B3GALT1: variants seen among roughly 807,000 people sequenced by gnomAD.
B3GALT1 encodes beta-1,3-galactosyltransferase 1.
In B3GALT1, 10 loss-of-function variants were observed where a neutral mutation model predicts 23.2. The observed-to-expected ratio is 0.43, with a 90% CI of 0.27 to 0.73. B3GALT1 has a LOEUF of 0.73. Among genes scored for constraint, B3GALT1 ranks in the 30% least tolerant of loss-of-function variants. The pLI is 0.21. For synonymous variants in B3GALT1, 156 were observed against 141.5 expected (o/e 1.10, Z -0.73); for missense variants, 299 against 405.4 (o/e 0.74, Z 2.25).
intron 3 of B3GALT1, among the ~76,000 whole-genome samples, chr2:167,767,207 C>T (rs1687994202): frequency 6.6e-6 from 1 of 152,154 alleles, no homozygotes; most frequent in South Asian, 2.1e-4. Flanking sequence ...GAGGTGTTGG[C>T]TATTGTTTCT....
intron 2 of B3GALT1, among the ~76,000 whole-genome samples, chr2:167,591,323 GAGA>G (rs2105415948): frequency 6.6e-6 from 1 of 152,170 alleles, no homozygotes; most frequent in Non-Finnish European, 1.5e-5. Flanking sequence ...AAGTGAGGCA[GAGA>G]AGAACAGTAG....
At chr2:167,714,486 G>C (rs186712311) in intron 3 of B3GALT1, 10 of 1,606,074 alleles carry the variant, frequency 6.2e-6, no homozygotes, top group African/African-American at 2.7e-5. Context: ...TCAGATGAAG[G>C]CTGACCCAAC....
intron 2 of B3GALT1, among the ~76,000 whole-genome samples, chr2:167,579,908 T>G (rs1193200425): frequency 6.6e-6 from 1 of 152,160 alleles, no homozygotes; most frequent in Non-Finnish European, 1.5e-5. Context: ...ATATTTTAAG[T>G]TCCTAGCCTT....
intron 3 of B3GALT1, among the ~76,000 whole-genome samples, chr2:167,798,213 A>G (rs1688576426): frequency 6.6e-6 from 1 of 152,202 alleles, no homozygotes; most frequent in Non-Finnish European, 1.5e-5. Flanking sequence ...ATAGATTACA[A>G]AAATTTTCCA....
chr2:167,740,350 A>G (rs1429224428), intron 3 of B3GALT1, among the ~76,000 whole-genome samples: 2 of 152,082 alleles, frequency 1.3e-5, no homozygotes, highest in Non-Finnish European at 2.9e-5. Context: ...TCTTTGGCCT[A>G]TTTCTCTCCA....
chr2:167,445,770 A>G (rs1208470309), intron 1 of B3GALT1, among the ~76,000 whole-genome samples: 2 of 151,922 alleles, frequency 1.3e-5, no homozygotes, highest in Admixed American at 6.6e-5. Flanking sequence ...TGCACGTGAG[A>G]TGGGTTTCCT....
intron 1 of B3GALT1, among the ~76,000 whole-genome samples, chr2:167,489,884 T>C (rs915569639): frequency 6.6e-6 from 1 of 152,126 alleles, no homozygotes; most frequent in African/African-American, 2.4e-5. Flanking sequence ...AGTAAGCAAA[T>C]AATTGTGGAA....
At chr2:167,429,341 A>G (rs1219683175) in intron 1 of B3GALT1, among the ~76,000 whole-genome samples, 3 of 152,034 alleles carry the variant, frequency 2.0e-5, no homozygotes, top group Non-Finnish European at 4.4e-5. Context: ...TGGGAGCAGA[A>G]GCTTTTGGAA....
intron 1 of B3GALT1, among the ~76,000 whole-genome samples, chr2:167,363,120 G>T (rs372251160): frequency 6.6e-6 from 1 of 151,852 alleles, no homozygotes; most frequent in African/African-American, 2.4e-5. Flanking sequence ...CTCCCAAAGT[G>T]CTGGGATTAC....
At chr2:167,380,273 G>C (rs1697829350) in intron 1 of B3GALT1, among the ~76,000 whole-genome samples, 1 of 152,152 alleles carries the variant, frequency 6.6e-6, no homozygotes, top group South Asian at 2.1e-4. Flanking sequence ...GTGGAGCAGA[G>C]AGGGCCTCAC....
chr2:167,742,836 G>A lies in B3GALT1; in HGVS notation c.-351-75836G>A, dbSNP rs75557677. ...ACTAAAATAATTCTAATACCATTGT[G>A]CCTTTCTTCTGGTTCTCCTCTAATC... is the stretch of plus-strand genomic sequence containing the variant. On this transcript the variant is annotated intron_variant, in intron 3 of 4. Coordinates refer to ENST00000392690, the MANE Select transcript of B3GALT1 (RefSeq NM_020981.4). Among the ~76,000 whole-genome samples the A allele has an allele frequency of 3.8e-3, 582 of 152,106 alleles. 6 individuals carry two copies. The highest frequency in any genetic ancestry group is 6.9e-3 in the Admixed American group (106 of 15,270).
At chr2:167,533,830 G>A (rs1470010908) in intron 2 of B3GALT1, among the ~76,000 whole-genome samples, 2 of 152,152 alleles carry the variant, frequency 1.3e-5, no homozygotes, top group African/African-American at 4.8e-5. Flanking sequence ...AGGTCTGGTA[G>A]TGAGTTATTT....
intron 4 of B3GALT1, among the ~76,000 whole-genome samples, chr2:167,826,632 G>C (rs575049127): frequency 2.6e-5 from 4 of 152,286 alleles, no homozygotes; most frequent in African/African-American, 4.8e-5. Context: ...GTCAAAGATG[G>C]GGTGAGAGTC....
chr2:167,622,793 A>G (rs1480707221), intron 2 of B3GALT1, among the ~76,000 whole-genome samples: 1 of 152,132 alleles, frequency 6.6e-6, no homozygotes, highest in Non-Finnish European at 1.5e-5. Context: ...AAGCAAAGGT[A>G]TCCTGATGAC....
At chr2:167,710,697 G>T (rs1187938040) in intron 3 of B3GALT1, among the ~76,000 whole-genome samples, 4 of 152,280 alleles carry the variant, frequency 2.6e-5, no homozygotes, top group African/African-American at 9.6e-5. Context: ...GCAGAGCTGG[G>T]AATATTTTTG....
chr2:167,624,349 A>C (rs1024597666), intron 2 of B3GALT1, among the ~76,000 whole-genome samples: 20 of 152,086 alleles, frequency 1.3e-4, no homozygotes, highest in Admixed American at 6.6e-4. Context: ...GCTTCCTTAC[A>C]GTTTTCCAAA....
intron 1 of B3GALT1, among the ~76,000 whole-genome samples, chr2:167,327,323 A>C (rs974460969): frequency 6.6e-6 from 1 of 151,778 alleles, no homozygotes; most frequent in Non-Finnish European, 1.5e-5. Flanking sequence ...GATTGCATTG[A>C]CTCTATAGAC....
chr2:167,306,555 A>G (rs1442698395), intron 1 of B3GALT1, among the ~76,000 whole-genome samples: 1 of 151,896 alleles, frequency 6.6e-6, no homozygotes, highest in Non-Finnish European at 1.5e-5. Flanking sequence ...ATGGTTTTTG[A>G]TAGTTTTAAC....
At chr2:167,709,226 C>G (rs1687014482) in intron 3 of B3GALT1, among the ~76,000 whole-genome samples, 1 of 152,124 alleles carries the variant, frequency 6.6e-6, no homozygotes, top group East Asian at 1.9e-4. Flanking sequence ...CAGTGTGGTG[C>G]CAAAGGGAGG....
Sources: allele counts gnomAD v4.1 joint callset (sites outside exome capture counted in the v4.1 genomes callset), GRCh38; gene constraint gnomAD v4.1.1; transcripts MANE v1.5; gene names NCBI Gene and HGNC (gene_info 2026-07-23, HGNC 2026-07-21).